INO80C: variants seen among roughly 807,000 people sequenced by gnomAD.
INO80C encodes INO80 complex subunit C, also known as IES6 homolog.
INO80C carries 17 observed loss-of-function variants against 17.7 expected under a neutral mutation model. The observed-to-expected ratio is 0.96, with a 90% CI of 0.66 to 1.44. The LOEUF is 1.44. Ranked by LOEUF, INO80C falls within the 40% of genes most tolerant of loss-of-function variation. The pLI is 0.00. For synonymous variants in INO80C, 96 were observed against 95.8 expected (o/e 1.00, Z -0.01); for missense variants, 244 against 245.0 (o/e 1.00, Z 0.03).
chr18:35,468,948 A>G (rs1026651517), intron 4 of INO80C, among the ~76,000 whole-genome samples: 1 of 152,042 alleles, frequency 6.6e-6, no homozygotes, highest in African/African-American at 2.4e-5. Context: ...GGTATGGACG[A>G]GAGGAAGGGG....
chr18:35,482,600 C>CACCT (rs2045824412), intron 1 of INO80C, among the ~76,000 whole-genome samples: 1 of 152,184 alleles, frequency 6.6e-6, no homozygotes, highest in African/African-American at 2.4e-5. Context: ...GATTCCCCTT[C>CACCT]ACCTCATCCT....
At chr18:35,485,364 A>G (rs986555300) in intron 1 of INO80C, among the ~76,000 whole-genome samples, 2 of 152,196 alleles carry the variant, frequency 1.3e-5, no homozygotes, top group African/African-American at 4.8e-5. Flanking sequence ...TCTACAACTC[A>G]ACAACAAAAA....
At chr18:35,487,761 A>G (rs1462109987) in intron 1 of INO80C, 1 of 152,550 alleles carries the variant, frequency 6.6e-6, no homozygotes, top group Non-Finnish European at 1.5e-5. Context: ...TTTCAGCATT[A>G]ACTCAAAAGT....
chr18:35,492,101 G>A (rs2045938741), intron 1 of INO80C, among the ~76,000 whole-genome samples: 1 of 152,244 alleles, frequency 6.6e-6, no homozygotes, highest in Non-Finnish European at 1.5e-5. Flanking sequence ...CATTCTGTCT[G>A]TGGTTACAAA....
chr18:35,482,585 G>A (rs2045824172), intron 1 of INO80C, among the ~76,000 whole-genome samples: 1 of 152,098 alleles, frequency 6.6e-6, no homozygotes, highest in Non-Finnish European at 1.5e-5. Flanking sequence ...GCCACCTTCT[G>A]TCTGGATTCC....
At chr18:35,486,303 T>TA (rs1388594582) in intron 1 of INO80C, among the ~76,000 whole-genome samples, 1 of 152,226 alleles carries the variant, frequency 6.6e-6, no homozygotes, top group Non-Finnish European at 1.5e-5. Flanking sequence ...ATGAGATACG[T>TA]AGTCACATTC....
At chr18:35,484,485 G>C (rs2045850034) in intron 1 of INO80C, among the ~76,000 whole-genome samples, 1 of 152,166 alleles carries the variant, frequency 6.6e-6, no homozygotes, top group African/African-American at 2.4e-5. Flanking sequence ...TGCATCCATG[G>C]ATTCAAGCAA....
chr18:35,468,855 T>G (rs188599283), intron 4 of INO80C, 113 bp from the exon 5 acceptor site: 2 of 909,634 alleles, frequency 2.2e-6, no homozygotes, highest in Admixed American at 2.4e-5. Context: ...ATTTTCATTA[T>G]GTCTTACTCT....
At chr18:35,497,688 G>C in intron 1 of INO80C, 31 bp downstream of exon 1, 3 of 1,598,906 alleles carry the variant, frequency 1.9e-6, no homozygotes, top group Non-Finnish European at 2.6e-6. Flanking sequence ...TTCGCGACGC[G>C]CACGCGCAGC....
intron 1 of INO80C, among the ~76,000 whole-genome samples, chr18:35,481,238 G>A (rs1175276618): frequency 1.3e-5 from 2 of 152,088 alleles, no homozygotes; most frequent in Admixed American, 6.5e-5. Context: ...ACGCTAATAT[G>A]GTTTAAAGCA....
intron 1 of INO80C, chr18:35,497,332 T>C (rs2045993388): frequency 3.0e-6 from 3 of 985,138 alleles, no homozygotes; most frequent in Non-Finnish European, 3.6e-6. Context: ...TGCAGGACAT[T>C]ACAGCGCTAT....
intron 3 of INO80C, chr18:35,479,053 A>G (rs998769655): frequency 2.9e-5 from 10 of 349,610 alleles, no homozygotes; most frequent in Admixed American, 1.4e-4. Flanking sequence ...AGAAACACCA[A>G]TATTATCATA....
In INO80C at chr18:35,468,673, G is replaced by C. The variant is rs2045632677; in HGVS notation, c.517C>G (p.Leu173Val). 1.9e-6 allele frequency: 3 copies of C among 1,614,098 alleles called. No homozygotes were observed. The highest frequency in any genetic ancestry group is 2.5e-6 in the Non-Finnish European group (3 of 1,179,974). Residue 173 changes from leucine to valine, a missense_variant, in exon 5 of 5, where the codon CTG becomes GTG. Leu to Val is a conservative substitution (Grantham distance 32). Coordinates refer to ENST00000334598, the MANE Select transcript of INO80C (RefSeq NM_194281.4). ...TAGCCGGTGACGACGTCAGAGGGCAGCCTCCGAATGTAGGAAAACTCTTCA... is the reference window on the plus strand; with the variant it reads ...TAGCCGGTGACGACGTCAGAGGGCACCCTCCGAATGTAGGAAAACTCTTCA... The part of the protein sequence containing the change: ...TIEEFSYIRR[L>V]PSDVVTGYLA...
Position 35,478,267 on chromosome 18 carries a change from TATAATC to T in INO80C, c.447+9_447+14del, listed in dbSNP as rs2045760892. On this transcript the variant is annotated intron_variant, in intron 4 of 4. Coordinates refer to ENST00000334598, the MANE Select transcript of INO80C (RefSeq NM_194281.4). ...CTTTTCCATTTAATGTTATAAGAGA[TATAATC>T]ATACTCACAAGCAGACCTGAAACAT... is the stretch of plus-strand genomic sequence containing the variant. 6.5e-7 allele frequency: 1 copy of T among 1,540,324 alleles called. No individual in the cohort carries two copies. Among genetic ancestry groups the T allele is most frequent in the African/African-American group, 1.4e-5 (1 of 71,958 alleles).
chr18:35,476,366 GAATA>G (rs2045736067), intron 4 of INO80C, among the ~76,000 whole-genome samples: 1 of 152,178 alleles, frequency 6.6e-6, no homozygotes, highest in African/African-American at 2.4e-5. Context: ...AAGGAAATGT[GAATA>G]AATTATAGAC....
intron 1 of INO80C, among the ~76,000 whole-genome samples, chr18:35,490,515 C>T (rs565410665): frequency 1.6e-4 from 25 of 152,236 alleles, no homozygotes; most frequent in African/African-American, 5.1e-4. Flanking sequence ...TTGAGTTTCT[C>T]ATAAAGAATA....
chr18:35,494,007 T>C (rs1229367196), intron 1 of INO80C, among the ~76,000 whole-genome samples: 2 of 152,220 alleles, frequency 1.3e-5, no homozygotes, highest in East Asian at 1.9e-4. Context: ...AATCTCACAA[T>C]GAGCACAGCT....
rs948834401 is a variant in INO80C at position 35,468,524 on chromosome 18, C to T, written c.*87G>A. 4.4e-6 allele frequency: 7 copies of T among 1,589,508 alleles called. No individual in the cohort carries two copies. In the African/African-American group the frequency reaches 8.1e-5, roughly 18 times the overall value. On this transcript the variant is annotated 3_prime_UTR_variant, in exon 5 of 5. Coordinates refer to ENST00000334598, the MANE Select transcript of INO80C (RefSeq NM_194281.4). Reference sequence around the variant, plus strand: ...AGCACTGGCATTTTCAGATTGACAGCAGAACGAGTTTGTTTCCGTGAAACA... The same window carrying T: ...AGCACTGGCATTTTCAGATTGACAGTAGAACGAGTTTGTTTCCGTGAAACA...
rs552446470 is a variant in INO80C at position 35,494,620 on chromosome 18, G to A, written c.156+3099C>T. ...GCAGTCCTGCCGCCCCAAAAGAACA[G>A]AATTCTGCCAACAACCTGAATTCAC... is the stretch of plus-strand genomic sequence containing the variant. On this transcript the variant is annotated intron_variant, in intron 1 of 4. Coordinates refer to ENST00000334598, the MANE Select transcript of INO80C (RefSeq NM_194281.4). Among the ~76,000 whole-genome samples, 554 of 152,276 alleles carry A rather than the reference G, an allele frequency of 3.6e-3. 4 individuals are homozygous for A. Among genetic ancestry groups the A allele is most frequent in the Non-Finnish European group, 6.5e-3 (443 of 68,014 alleles).
Sources: allele counts gnomAD v4.1 joint callset (sites outside exome capture counted in the v4.1 genomes callset), GRCh38; gene constraint gnomAD v4.1.1; transcripts MANE v1.5; gene names NCBI Gene and HGNC (gene_info 2026-07-23, HGNC 2026-07-21).